MTMR6: variants seen among roughly 807,000 people sequenced by gnomAD.
MTMR6 encodes phosphatidylinositol-3,5-bisphosphate 3-phosphatase MTMR6.
A neutral mutation model predicts 80.1 loss-of-function variants in MTMR6; 47 were observed. That is an observed-to-expected ratio of 0.59 (90% CI 0.46 to 0.75). The LOEUF is 0.75. MTMR6 is among the 30% of genes least tolerant of loss of function. MTMR6 has a pLI of 0.00. For missense variants in MTMR6, 629 were observed against 730.9 expected (o/e 0.86, Z 1.61); for synonymous variants, 254 against 253.0 (o/e 1.00, Z -0.04).
In MTMR6 at chr13:25,249,406, G is replaced by A. The variant is rs1957039771; in HGVS notation, c.1692C>T (p.Leu564=). The change falls in exon 14 of 14, where the codon CTC becomes CTT. Residue 564 remains leucine, a synonymous_variant. Transcript: ENST00000381801. ...GCTCTTTAAAACACAGGGAAGTTTT[G>A]AGGTTAGGTGATTCAGGATGAACTG... ...LHSVHPESPN[L]KTSLCFKEQT... is the part of the protein sequence containing the mutation. 8 of 1,614,118 alleles carry A rather than the reference G, an allele frequency of 5.0e-6. No individual in the cohort carries two copies. The highest frequency in any genetic ancestry group is 5.9e-6 in the Non-Finnish European group (7 of 1,179,970).
At chr13:25,286,252 C>T (rs912363040) in intron 1 of MTMR6, among the ~76,000 whole-genome samples, 2 of 152,060 alleles carry the variant, frequency 1.3e-5, no homozygotes, top group Non-Finnish European at 2.9e-5. Context: ...AACACAAATT[C>T]TTCTTGGAAC....
chr13:25,269,365 A>C lies in MTMR6; in HGVS notation c.142-1424T>G, dbSNP rs17082073. On this transcript the variant is annotated intron_variant, in intron 2 of 13. Transcript: ENST00000381801. The stretch of plus-strand genomic sequence containing the variant: ...AAGAGTTTACTAAATGAATGAATAA[A>C]AAGTCCTACTATAAACTCAATACTT... Among the ~76,000 whole-genome samples the C allele has an allele frequency of 6.1e-3, 926 of 152,328 alleles. 12 individuals carry two copies. The highest frequency in any genetic ancestry group is 0.021 in the African/African-American group (854 of 41,558).
At chr13:25,274,229 AT>A (rs759489745) in intron 1 of MTMR6, 42 bp from the exon 2 acceptor site, 2 of 1,369,158 alleles carry the variant, frequency 1.5e-6, no homozygotes, top group Admixed American at 3.8e-5. Flanking sequence ...CAAAAGTAGT[AT>A]AAATTATTTT....
intron 2 of MTMR6, among the ~76,000 whole-genome samples, chr13:25,271,139 A>C (rs1957566006): frequency 6.6e-6 from 1 of 151,914 alleles, no homozygotes; most frequent in South Asian, 2.1e-4. Flanking sequence ...TTTTCCCTCA[A>C]GAGATAAAAA....
In MTMR6 at chr13:25,267,920, A is replaced by G; in HGVS notation, c.163T>C (p.Ser55Pro). 5 of 1,611,036 alleles carry G rather than the reference A, an allele frequency of 3.1e-6. No individual in the cohort carries two copies. The highest frequency in any genetic ancestry group is 4.2e-6 in the Non-Finnish European group (5 of 1,178,648). Residue 55 changes from serine to proline, a missense_variant, in exon 3 of 14, where the codon TCA becomes CCA. Coordinates refer to ENST00000381801, the MANE Select transcript of MTMR6 (RefSeq NM_004685.5). ...GTAGTCAAAGCAAGTTTCTCTACTGAGGCAATATGGTGGTGTAATATCTAC... is the reference window on the plus strand; with the variant it reads ...GTAGTCAAAGCAAGTTTCTCTACTGGGGCAATATGGTGGTGTAATATCTAC... Reference protein sequence around the residue: ...ETWILHHHIASVEKLALTTSG... With the variant: ...ETWILHHHIAPVEKLALTTSG...
At position 25,267,903 on chromosome 13, in the gene MTMR6, A is replaced by T. The variant is rs1445286864; in HGVS notation, c.180T>A (p.Ala60=). The stretch of plus-strand genomic sequence containing the variant: ...CAAGGGGGCATCCAGAAGTAGTCAA[A>T]GCAAGTTTCTCTACTGAGGCAATAT... ...HHHIASVEKL[A]LTTSGCPLVI... is the part of the protein sequence containing the mutation. Residue 60 remains alanine (A), a synonymous_variant, in exon 3 of 14, where the codon GCT becomes GCA. Transcript: ENST00000381801. 1.2e-6 allele frequency: 2 copies of T among 1,612,628 alleles called. No individual in the cohort carries two copies. The highest frequency in any genetic ancestry group is 8.5e-7 in the Non-Finnish European group (1 of 1,179,394).
chr13:25,274,722 T>G (rs976163286), intron 1 of MTMR6, among the ~76,000 whole-genome samples: 1 of 152,132 alleles, frequency 6.6e-6, no homozygotes, highest in African/African-American at 2.4e-5. Context: ...TGGTCTCTTC[T>G]GCTTAGCTAA....
At chr13:25,254,684 T>G (rs1957157504) in intron 9 of MTMR6, among the ~76,000 whole-genome samples, 1 of 152,156 alleles carries the variant, frequency 6.6e-6, no homozygotes, top group Non-Finnish European at 1.5e-5. Context: ...TTTATTACAT[T>G]TTAAGTGAAA....
intron 2 of MTMR6, among the ~76,000 whole-genome samples, chr13:25,273,692 A>G (rs9578840): frequency 1.3e-5 from 2 of 151,802 alleles, no homozygotes; most frequent in African/African-American, 4.8e-5. Flanking sequence ...TGCCCAGCTA[A>G]TTTTTTGTAT....
intron 5 of MTMR6, among the ~76,000 whole-genome samples, chr13:25,264,192 A>C (rs955133113): frequency 2.0e-5 from 3 of 152,046 alleles, no homozygotes; most frequent in African/African-American, 2.4e-5. Context: ...TCAGATATTA[A>C]AAACACCACA....
chr13:25,260,349 G>C (rs1333304062), intron 6 of MTMR6, among the ~76,000 whole-genome samples: 1 of 151,772 alleles, frequency 6.6e-6, no homozygotes, highest in African/African-American at 2.4e-5. Flanking sequence ...TGTATTTTTA[G>C]TACAGACAGA....
intron 6 of MTMR6, 103 bp downstream of exon 6, chr13:25,261,565 T>C (rs1957342224): frequency 2.0e-6 from 2 of 1,022,706 alleles, no homozygotes; most frequent in African/African-American, 3.3e-5. Context: ...AATTTAAAAC[T>C]AGGATTCAGA....
chr13:25,287,262 A>G lies in MTMR6; in HGVS notation c.-15T>C, dbSNP rs777679167. The G allele has an allele frequency of 6.3e-6, 10 of 1,588,580 alleles. No homozygotes were observed. The South Asian group carries it at 1.1e-4, about 18-fold the overall frequency. On this transcript the variant is annotated 5_prime_UTR_variant, in exon 1 of 14. Coordinates refer to ENST00000381801, the MANE Select transcript of MTMR6 (RefSeq NM_004685.5). ...ATATGCTCCATCGCAAGGAGACGTC[A>G]GCCGGCAGCCGGTCTCACAGGCGTA...
At chr13:25,249,586 C>G (rs1957043870) in intron 13 of MTMR6, 94 bp from the exon 14 acceptor site, 1 of 1,249,224 alleles carries the variant, frequency 8.0e-7, no homozygotes, top group African/African-American at 1.5e-5. Context: ...AATATGTTCT[C>G]TGTATGTATA....
intron 1 of MTMR6, among the ~76,000 whole-genome samples, chr13:25,278,544 A>C (rs1213584695): frequency 1.3e-5 from 2 of 152,044 alleles, no homozygotes; most frequent in Non-Finnish European, 2.9e-5. Flanking sequence ...AACATGGTGA[A>C]ACCCTGTCTC....
At chr13:25,274,539 T>C (rs1317395855) in intron 1 of MTMR6, among the ~76,000 whole-genome samples, 1 of 152,106 alleles carries the variant, frequency 6.6e-6, no homozygotes, top group Non-Finnish European at 1.5e-5. Flanking sequence ...AAAAAATAAA[T>C]ATATTATTAT....
intron 2 of MTMR6, 113 bp downstream of exon 2, chr13:25,273,958 G>T: frequency 1.4e-6 from 1 of 697,458 alleles, no homozygotes. Flanking sequence ...AAAATATTTT[G>T]GTTGAGATAG....
intron 1 of MTMR6, among the ~76,000 whole-genome samples, chr13:25,284,445 A>T (rs57491786): frequency 0.029 from 4,344 of 152,296 alleles, 225 homozygotes; most frequent in African/African-American, 0.098. Context: ...ACAATTGTAC[A>T]TATTATAAAG....
chr13:25,283,139 TACTC>T (rs113548042), intron 1 of MTMR6, among the ~76,000 whole-genome samples: 6,635 of 152,120 alleles, frequency 0.044, 294 homozygotes, highest in South Asian at 0.13. Flanking sequence ...TCTCTGTTCT[TACTC>T]ACACTGCCCC....
Sources: gnomAD v4.1 joint callset for allele counts (sites outside exome capture counted in the v4.1 genomes callset) on GRCh38, gnomAD v4.1.1 for gene constraint, MANE v1.5 for transcripts, NCBI Gene and HGNC (gene_info 2026-07-23, HGNC 2026-07-21) for gene names.